Variants in AFG2A observed in about 807,000 individuals in gnomAD.
AFG2A encodes the protein AAA ATPase AFG2A.
chr4:123,058,217 C>T, the AFG2A span, among the ~76,000 whole-genome samples: 2 of 152,196 alleles, frequency 1.3e-5, no homozygotes, highest in Non-Finnish European at 2.9e-5. Context: ...AATGGACTCA[C>T]AGTTCCACGT....
At chr4:123,094,351 A>T in the AFG2A span, among the ~76,000 whole-genome samples, 2 of 152,138 alleles carry the variant, frequency 1.3e-5, no homozygotes, top group Admixed American at 6.6e-5. Context: ...GGCTTGAATT[A>T]GTTTTTTAGG....
the AFG2A span, among the ~76,000 whole-genome samples, chr4:123,165,180 G>GA: frequency 6.6e-6 from 1 of 151,820 alleles, no homozygotes; most frequent in Non-Finnish European, 1.5e-5. Flanking sequence ...AAATTATAGA[G>GA]AAAAAAGGTA....
At chr4:123,302,516 A>T in the AFG2A span, among the ~76,000 whole-genome samples, 1 of 149,186 alleles carries the variant, frequency 6.7e-6, no homozygotes. Flanking sequence ...ATGCGTGTGT[A>T]TTTTTTTTTT....
At chr4:123,238,918 C>A in the AFG2A span, among the ~76,000 whole-genome samples, 1 of 151,938 alleles carries the variant, frequency 6.6e-6, no homozygotes, top group African/African-American at 2.4e-5. Flanking sequence ...TAACCCATTG[C>A]GAGGAAGCTA....
chr4:123,227,597 C>A, the AFG2A span, among the ~76,000 whole-genome samples: 3 of 152,098 alleles, frequency 2.0e-5, no homozygotes, highest in East Asian at 3.8e-4. Flanking sequence ...AATTTCTGTT[C>A]TTTTACATTT....
chr4:123,276,737 G>T, the AFG2A span, among the ~76,000 whole-genome samples: 1 of 152,140 alleles, frequency 6.6e-6, no homozygotes, highest in Non-Finnish European at 1.5e-5. Flanking sequence ...ACTGAATGGG[G>T]AGTCCTTGCT....
At chr4:123,116,372 T>C in the AFG2A span, among the ~76,000 whole-genome samples, 2 of 152,350 alleles carry the variant, frequency 1.3e-5, no homozygotes, top group African/African-American at 2.4e-5. Flanking sequence ...ATTTTTCTTT[T>C]ATTAATGATT....
At chr4:123,205,018 G>C in the AFG2A span, among the ~76,000 whole-genome samples, 1 of 152,200 alleles carries the variant, frequency 6.6e-6, no homozygotes, top group Non-Finnish European at 1.5e-5. Flanking sequence ...CTCTACCAGT[G>C]AGACTGGCAA....
chr4:122,939,620 C>G, the AFG2A span, among the ~76,000 whole-genome samples: 1 of 151,422 alleles, frequency 6.6e-6, no homozygotes, highest in South Asian at 2.1e-4. Flanking sequence ...CATTAAAAAG[C>G]TGGTCATTTA....
chr4:123,105,496 G>A, the AFG2A span, among the ~76,000 whole-genome samples: 1,638 of 152,188 alleles, frequency 0.011, 35 homozygotes, highest in South Asian at 0.096. Flanking sequence ...TAAGAAATAC[G>A]TTTCTTAAGG....
chr4:123,100,518 C>A, the AFG2A span, among the ~76,000 whole-genome samples: 1 of 151,746 alleles, frequency 6.6e-6, no homozygotes, highest in Non-Finnish European at 1.5e-5. Context: ...AACTATTTGT[C>A]CTTTTTGCTC....
the AFG2A span, among the ~76,000 whole-genome samples, chr4:123,269,267 C>T: frequency 1.3e-5 from 2 of 152,218 alleles, no homozygotes; most frequent in African/African-American, 2.4e-5. Context: ...CTGCATGCCT[C>T]TTCCTCCTGC....
At chr4:123,051,615 GTC>G in the AFG2A span, among the ~76,000 whole-genome samples, 1 of 41,620 alleles carries the variant, frequency 2.4e-5, no homozygotes, top group Non-Finnish European at 9.3e-5. Flanking sequence ...TATAGGACAG[GTC>G]TAGTAGTGAT....
At chr4:123,195,494 T>C in the AFG2A span, among the ~76,000 whole-genome samples, 38 of 152,212 alleles carry the variant, frequency 2.5e-4, no homozygotes, top group Admixed American at 2.0e-3. Context: ...CAGAATACAA[T>C]GGTTGTAGAA....
the AFG2A span, among the ~76,000 whole-genome samples, chr4:123,091,692 G>A: frequency 6.6e-6 from 1 of 152,240 alleles, no homozygotes; most frequent in South Asian, 2.1e-4. Context: ...TAGTATAGGT[G>A]CAAAACCAGT....
the AFG2A span, among the ~76,000 whole-genome samples, chr4:123,195,387 G>A: frequency 6.6e-6 from 1 of 151,892 alleles, no homozygotes; most frequent in African/African-American, 2.4e-5. Context: ...TCAAATTTTG[G>A]GTTTTTTTCT....
At chr4:123,272,712 T>C in the AFG2A span, among the ~76,000 whole-genome samples, 1 of 152,130 alleles carries the variant, frequency 6.6e-6, no homozygotes, top group Admixed American at 6.6e-5. Context: ...AGCAGTTTCA[T>C]TGAAGGAGCA....
At chr4:122,940,452 A>G in the AFG2A span, among the ~76,000 whole-genome samples, 3 of 152,136 alleles carry the variant, frequency 2.0e-5, no homozygotes, top group Non-Finnish European at 4.4e-5. Flanking sequence ...GTCTGTTCAT[A>G]TCCTTTGCCC....
At chr4:123,183,510 T>C in the AFG2A span, among the ~76,000 whole-genome samples, 1 of 152,204 alleles carries the variant, frequency 6.6e-6, no homozygotes, top group African/African-American at 2.4e-5. Context: ...ACATGTGCAT[T>C]ATCAGCATTT....
Sources: allele counts gnomAD v4.1 joint callset (sites outside exome capture counted in the v4.1 genomes callset), GRCh38; gene constraint gnomAD v4.1.1; transcripts MANE v1.5; gene names NCBI Gene and HGNC (gene_info 2026-07-23, HGNC 2026-07-21).